The following DAB1 variants were observed in gnomAD, a reference collection of about 807,000 sequenced individuals.
The protein encoded by DAB1 is disabled homolog 1.
Under a neutral mutation model 64.6 loss-of-function variants are expected in DAB1, and 15 were observed. The observed-to-expected ratio is 0.23, with a 90% CI of 0.16 to 0.36. The LOEUF is 0.36. Ranked by LOEUF, DAB1 falls within the 10% of genes least tolerant of loss-of-function variation. DAB1 has a pLI of 1.00. For missense variants in DAB1, 596 were observed against 706.7 expected (o/e 0.84, Z 1.78); for synonymous variants, 235 against 251.9 (o/e 0.93, Z 0.64).
rs79147323 is a variant in DAB1, at chr1:58,040,461, G to A, written n.387+110050C>T. Among the ~76,000 whole-genome samples, 227 of 152,262 alleles carry A rather than the reference G, an allele frequency of 1.5e-3. 3 individuals are homozygous for A. In the East Asian group the frequency reaches 0.039, roughly 26 times the overall value. ...AGACGCAGCAGAAATCTCTGATGGT[G>A]CTGACACTTCTATTTTCACTTTTCT... On this transcript the variant is annotated intron_variant and non_coding_transcript_variant, in intron 5 of 20. Coordinates refer to the DAB1 transcript ENST00000485760.
At chr1:57,474,341 C>T (rs1223423547) in intron 7 of DAB1, among the ~76,000 whole-genome samples, 1 of 152,188 alleles carries the variant, frequency 6.6e-6, no homozygotes, top group Non-Finnish European at 1.5e-5. Flanking sequence ...TCTGTTTCTT[C>T]CATCTTACAG....
chr1:57,589,813 T>C (rs11583494), intron 7 of DAB1, among the ~76,000 whole-genome samples: 31,709 of 152,138 alleles, frequency 0.21, 3,945 homozygotes, highest in East Asian at 0.33. Flanking sequence ...AATGCAACTA[T>C]GAAAATATTT....
At chr1:57,645,865 C>T (rs1490748807) in intron 7 of DAB1, among the ~76,000 whole-genome samples, 3 of 152,168 alleles carry the variant, frequency 2.0e-5, no homozygotes, top group South Asian at 4.1e-4. Context: ...GTTAAGAGCC[C>T]TCTCGAAGTT....
chr1:58,200,568 A>G (rs1419044214), intron 4 of DAB1, among the ~76,000 whole-genome samples: 5 of 152,222 alleles, frequency 3.3e-5, no homozygotes, highest in Admixed American at 6.5e-5. Context: ...ACAAGGCAGA[A>G]TGGTATGTGC....
intron 4 of DAB1, among the ~76,000 whole-genome samples, chr1:58,158,847 G>A (rs372599537): frequency 5.3e-5 from 8 of 151,282 alleles, no homozygotes; most frequent in African/African-American, 1.9e-4. Context: ...GCAAGGCAAG[G>A]AGAGTCGAAT....
chr1:57,916,964 A>G (rs12130156), intron 5 of DAB1, among the ~76,000 whole-genome samples: 20,264 of 152,060 alleles, frequency 0.13, 1,786 homozygotes, highest in Admixed American at 0.26. Flanking sequence ...AAAAGTTTTA[A>G]TGAATCATCT....
At chr1:58,415,899 A>G (rs1644715099) in intron 3 of DAB1, among the ~76,000 whole-genome samples, 1 of 152,180 alleles carries the variant, frequency 6.6e-6, no homozygotes, top group South Asian at 2.1e-4. Context: ...TTCTTAATCC[A>G]TTAAATAGAG....
intron 2 of DAB1, among the ~76,000 whole-genome samples, chr1:57,205,093 C>A (rs1053625046): frequency 3.9e-5 from 6 of 152,144 alleles, no homozygotes; most frequent in Non-Finnish European, 8.8e-5. Context: ...AGGCATTGGC[C>A]TCCTTTGTTT....
In DAB1 at chr1:57,351,969, T is replaced by C. The variant is rs150327580; in HGVS notation, c.-136-60803A>G. ...TAGTCAGAAAGAAAATGAAGCAAAG[T>C]AGAGAAACAATCAAAACTAAATGCA... On this transcript the variant is annotated intron_variant, in intron 1 of 14. Transcript: ENST00000371236. 1.4e-3 allele frequency among the ~76,000 whole-genome samples: 218 copies of C among 152,220 alleles called. 2 individuals are homozygous for C. In the East Asian group the frequency reaches 0.033, roughly 23 times the overall value.
In DAB1 at chr1:58,139,928, G is replaced by A. The variant is rs114144977; in HGVS notation, n.387+10583C>T. On this transcript the variant is annotated intron_variant and non_coding_transcript_variant, in intron 5 of 20. Transcript: ENST00000485760. ...TAGTGGAAACTATATTATTAAATAAGATACTCTAATCCTTGTATAAGGGCT... is the reference window on the plus strand; with the variant it reads ...TAGTGGAAACTATATTATTAAATAAAATACTCTAATCCTTGTATAAGGGCT... 7.2e-3 allele frequency among the ~76,000 whole-genome samples: 1,090 copies of A among 152,250 alleles called. 13 individuals carry two copies. The highest frequency in any genetic ancestry group is 0.025 in the African/African-American group (1,055 of 41,542).
chr1:57,913,077 G>T (rs1221035988), intron 5 of DAB1, among the ~76,000 whole-genome samples: 1 of 152,160 alleles, frequency 6.6e-6, no homozygotes, highest in African/African-American at 2.4e-5. Flanking sequence ...TTTCTTCACA[G>T]AATTGGAAAA....
At chr1:57,537,250 G>A (rs1570606381) in intron 7 of DAB1, among the ~76,000 whole-genome samples, 1 of 152,122 alleles carries the variant, frequency 6.6e-6, no homozygotes, top group African/African-American at 2.4e-5. Flanking sequence ...TCCCAAACCT[G>A]CCTGGTCATG....
chr1:57,683,213 G>A (rs961914014), intron 6 of DAB1, among the ~76,000 whole-genome samples: 1 of 152,130 alleles, frequency 6.6e-6, no homozygotes, highest in African/African-American at 2.4e-5. Flanking sequence ...TGGGAGCAAG[G>A]CATGCCTCCC....
At chr1:57,428,841 C>CAA (rs55678877), upstream of DAB1, among the ~76,000 whole-genome samples, 198 of 69,596 alleles carry the variant, frequency 2.8e-3, 3 homozygotes, top group South Asian at 3.3e-3. Flanking sequence ...TTGTCTTTTA[C>CAA]AAAAAAAAAA....
intron 4 of DAB1, among the ~76,000 whole-genome samples, chr1:58,243,454 T>C (rs1160208183): frequency 6.6e-6 from 1 of 152,160 alleles, no homozygotes; most frequent in Non-Finnish European, 1.5e-5. Context: ...CTTTGCTAAA[T>C]AAATGAAAAG....
intron 3 of DAB1, among the ~76,000 whole-genome samples, chr1:58,365,125 T>A (rs765694): frequency 0.21 from 31,788 of 152,164 alleles, 3,370 homozygotes; most frequent in South Asian, 0.27. Flanking sequence ...ATTAACCTCC[T>A]TCTCTTCTTG....
At chr1:57,831,043 A>G (rs1652561510) in intron 1 of DAB1, among the ~76,000 whole-genome samples, 1 of 152,112 alleles carries the variant, frequency 6.6e-6, no homozygotes. Flanking sequence ...CCTCCCGAGC[A>G]GCTGAGACTA....
chr1:57,731,602 C>T (rs776504522), intron 6 of DAB1, among the ~76,000 whole-genome samples: 13 of 151,994 alleles, frequency 8.6e-5, no homozygotes, highest in Non-Finnish European at 1.8e-4. Context: ...GTCAGGAGTT[C>T]GAGACCAGCC....
intron 1 of DAB1, among the ~76,000 whole-genome samples, chr1:57,347,611 T>A (rs1678221238): frequency 6.6e-6 from 1 of 152,204 alleles, no homozygotes; most frequent in Non-Finnish European, 1.5e-5. Flanking sequence ...GATTTCAAGA[T>A]CTCATTGAAA....
Sources: gnomAD v4.1 joint callset for allele counts (sites outside exome capture counted in the v4.1 genomes callset) on GRCh38, gnomAD v4.1.1 for gene constraint, MANE v1.5 for transcripts, NCBI Gene and HGNC (gene_info 2026-07-23, HGNC 2026-07-21) for gene names.